The following NKAIN3 variants were observed in gnomAD, a reference collection of about 807,000 sequenced individuals.
NKAIN3 encodes the protein sodium/potassium transporting ATPase interacting 3.
Under a neutral mutation model 30.2 loss-of-function variants are expected in NKAIN3, and 25 were observed. That is an observed-to-expected ratio of 0.83 (90% confidence interval 0.60 to 1.16). The LOEUF is 1.16. Among genes scored for constraint, NKAIN3 ranks in the 50% most tolerant of loss-of-function variants. NKAIN3 has a pLI of 0.00. For missense variants in NKAIN3, 225 were observed against 254.1 expected (o/e 0.89, Z 0.78); for synonymous variants, 91 against 89.6 (o/e 1.02, Z -0.09).
intron 4 of NKAIN3, among the ~76,000 whole-genome samples, chr8:62,871,125 G>A (rs1820629105): frequency 6.6e-6 from 1 of 152,036 alleles, no homozygotes; most frequent in Non-Finnish European, 1.5e-5. Context: ...TCCAGGCTGG[G>A]TGCAGTGGCT....
At chr8:62,405,019 C>T (rs2129595511) in intron 1 of NKAIN3, among the ~76,000 whole-genome samples, 1 of 152,252 alleles carries the variant, frequency 6.6e-6, no homozygotes, top group East Asian at 1.9e-4. Flanking sequence ...AAGAGGGTTT[C>T]CTCCCACCCT....
chr8:62,697,189 T>C (rs1814183202), intron 3 of NKAIN3, among the ~76,000 whole-genome samples: 1 of 152,132 alleles, frequency 6.6e-6, no homozygotes, highest in African/African-American at 2.4e-5. Flanking sequence ...GCCAAGTCTT[T>C]TCAACAGCCA....
intron 4 of NKAIN3, among the ~76,000 whole-genome samples, chr8:62,793,583 A>G (rs1216678911): frequency 6.6e-6 from 1 of 152,026 alleles, no homozygotes; most frequent in East Asian, 1.9e-4. Context: ...TAGATCCATT[A>G]CCTGTGACTG....
chr8:62,306,461 T>C (rs534434506), intron 1 of NKAIN3, among the ~76,000 whole-genome samples: 5 of 149,876 alleles, frequency 3.3e-5, no homozygotes, highest in African/African-American at 1.3e-4. Context: ...TTTTTCCCAG[T>C]GCGAGCCCTA....
At chr8:62,358,583 G>A (rs939372425) in intron 1 of NKAIN3, among the ~76,000 whole-genome samples, 2 of 152,116 alleles carry the variant, frequency 1.3e-5, no homozygotes, top group African/African-American at 4.8e-5. Context: ...GGGCACTGCT[G>A]AAGCCAGCAC....
chr8:62,666,267 A>G (rs1299191404), intron 3 of NKAIN3, among the ~76,000 whole-genome samples: 2 of 152,224 alleles, frequency 1.3e-5, no homozygotes, highest in Admixed American at 6.5e-5. Context: ...CTGTGCTTGT[A>G]TAAGTTCTGT....
chr8:62,834,387 C>A (rs764942369), intron 4 of NKAIN3, among the ~76,000 whole-genome samples: 3 of 151,978 alleles, frequency 2.0e-5, no homozygotes, highest in Non-Finnish European at 4.4e-5. Context: ...ATTCAAACTA[C>A]TTCTCTTTGC....
chr8:62,447,468 C>T (rs934506971), intron 1 of NKAIN3, among the ~76,000 whole-genome samples: 2 of 152,076 alleles, frequency 1.3e-5, no homozygotes, highest in East Asian at 1.9e-4. Flanking sequence ...AGAGGTGGCA[C>T]CAAGCGATAG....
At chr8:62,703,318 AC>A (rs1365170657) in intron 3 of NKAIN3, among the ~76,000 whole-genome samples, 3 of 152,146 alleles carry the variant, frequency 2.0e-5, no homozygotes, top group African/African-American at 7.2e-5. Flanking sequence ...TTTTGTTTTA[AC>A]AATATTATTA....
intron 4 of NKAIN3, among the ~76,000 whole-genome samples, chr8:62,784,093 A>G (rs1486255596): frequency 6.6e-6 from 1 of 152,106 alleles, no homozygotes; most frequent in Non-Finnish European, 1.5e-5. Context: ...ACGGAAACTA[A>G]AACATAACGT....
intron 4 of NKAIN3, among the ~76,000 whole-genome samples, chr8:62,812,122 C>G (rs948661905): frequency 6.6e-6 from 1 of 151,894 alleles, no homozygotes; most frequent in African/African-American, 2.4e-5. Context: ...TGCTTGTGCA[C>G]CTTTGTCAAT....
In NKAIN3 at chr8:62,967,593, A is replaced by G. The variant is rs1160287647; in HGVS notation, c.*2186A>G. On this transcript the variant is annotated 3_prime_UTR_variant, in exon 7 of 7. Coordinates refer to ENST00000623646, the MANE Select transcript of NKAIN3 (RefSeq NM_001304533.3). Reference sequence around the variant, plus strand: ...CTGGGAAAACCTTGCCCAAGTTTAAATGATTTGAAATAAACTAAAAAATGC... The same window carrying G: ...CTGGGAAAACCTTGCCCAAGTTTAAGTGATTTGAAATAAACTAAAAAATGC... 6.6e-6 allele frequency among the ~76,000 whole-genome samples: 1 copy of G among 152,182 alleles called. No homozygotes were observed. Among genetic ancestry groups the G allele is most frequent in the Non-Finnish European group, 1.5e-5 (1 of 68,040 alleles).
intron 4 of NKAIN3, among the ~76,000 whole-genome samples, chr8:62,909,234 G>T (rs2130847571): frequency 6.6e-6 from 1 of 152,192 alleles, no homozygotes; most frequent in East Asian, 1.9e-4. Flanking sequence ...AATCCTATTT[G>T]CAAAAACTAA....
intron 3 of NKAIN3, among the ~76,000 whole-genome samples, chr8:62,609,678 A>C (rs1219926087): frequency 6.6e-6 from 1 of 152,160 alleles, no homozygotes; most frequent in East Asian, 1.9e-4. Flanking sequence ...AAATAAAAGG[A>C]AATAAAAGGA....
Position 62,489,807 on chromosome 8 carries a change from C to T in NKAIN3, c.55-89732C>T, listed in dbSNP as rs191312378. On this transcript the variant is annotated intron_variant, in intron 1 of 6. Coordinates refer to ENST00000623646, the MANE Select transcript of NKAIN3 (RefSeq NM_001304533.3). ...ATATCATCCCTTTATGAATATTATC[C>T]TGTGCATTTGGTGGATACGTGGAGC... Among the ~76,000 whole-genome samples the T allele has an allele frequency of 1.4e-4, 22 of 152,212 alleles. No individual in the cohort carries two copies. In the East Asian group the frequency reaches 2.3e-3, roughly 16 times the overall value.
chr8:62,800,367 G>A (rs1310852248), intron 4 of NKAIN3, among the ~76,000 whole-genome samples: 1 of 152,144 alleles, frequency 6.6e-6, no homozygotes, highest in Non-Finnish European at 1.5e-5. Flanking sequence ...GTGATACAAA[G>A]TATTCTAGGA....
chr8:62,752,353 C>T (rs1255606108), intron 4 of NKAIN3, among the ~76,000 whole-genome samples: 1 of 152,184 alleles, frequency 6.6e-6, no homozygotes, highest in Non-Finnish European at 1.5e-5. Flanking sequence ...CAAAGGGCTC[C>T]ATTCTGGTGG....
intron 4 of NKAIN3, among the ~76,000 whole-genome samples, chr8:62,830,583 T>A (rs55845492): frequency 0.027 from 4,047 of 152,320 alleles, 178 homozygotes; most frequent in African/African-American, 0.092. Context: ...AGTAGTTATA[T>A]TTCTGAAAAC....
intron 3 of NKAIN3, among the ~76,000 whole-genome samples, chr8:62,598,923 C>T (rs1195711070): frequency 6.6e-6 from 1 of 151,978 alleles, no homozygotes; most frequent in East Asian, 1.9e-4. Context: ...GTGTAATGAT[C>T]CCAGCTGGAT....
Sources: allele counts gnomAD v4.1 joint callset (sites outside exome capture counted in the v4.1 genomes callset), GRCh38; gene constraint gnomAD v4.1.1; transcripts MANE v1.5; gene names NCBI Gene and HGNC (gene_info 2026-07-23, HGNC 2026-07-21).